Variants in SH2D4B observed in about 807,000 individuals in gnomAD.
The protein encoded by SH2D4B is SH2 domain-containing protein 4B.
A neutral mutation model predicts 61.5 loss-of-function variants in SH2D4B; 45 were observed. The ratio of observed to expected loss-of-function variants is 0.73; its 90% CI spans 0.58 to 0.94. The LOEUF is 0.94. Among genes scored for constraint, SH2D4B ranks in the 40% least tolerant of loss-of-function variants. SH2D4B has a pLI of 0.00. For missense variants in SH2D4B, 572 were observed against 574.2 expected, an observed-to-expected ratio of 1.00 and a Z score of 0.04; for synonymous variants, 224 against 220.4, an observed-to-expected ratio of 1.02 and a Z score of -0.14.
At position 80,644,196 on chromosome 10, in the gene SH2D4B, G is replaced by C; in HGVS notation, c.*111G>C. 1.2e-6 allele frequency: 1 copy of C among 813,644 alleles called. No homozygotes were observed. The highest frequency in any genetic ancestry group is 2.0e-6 in the Non-Finnish European group (1 of 498,618). 50.4% of individuals were successfully genotyped at this position (813,644 alleles called of 1,614,324 possible). A position where few individuals can be genotyped will look rare whatever the true frequency, so the allele number is the denominator to read the frequency against. On this transcript the variant is annotated 3_prime_UTR_variant, in exon 8 of 8. Transcript: ENST00000646907. ...CTGGAAGATCCACCACTATCCAAAG[G>C]AAAAAGTAGATTAATATGCCTCAAG...
chr10:80,599,473 T>A (rs572234561), intron 4 of SH2D4B, among the ~76,000 whole-genome samples: 1 of 152,294 alleles, frequency 6.6e-6, no homozygotes, highest in Non-Finnish European at 1.5e-5. Context: ...TCTCTCCTCT[T>A]GAATTAGCTC....
At chr10:80,558,672 A>G (rs1589334438) in intron 1 of SH2D4B, among the ~76,000 whole-genome samples, 1 of 152,102 alleles carries the variant, frequency 6.6e-6, no homozygotes, top group South Asian at 2.1e-4. Context: ...CTTGGTAGAG[A>G]CAGGGATTTG....
chr10:80,541,307 A>G (rs759835657), intron 1 of SH2D4B, among the ~76,000 whole-genome samples: 2 of 152,066 alleles, frequency 1.3e-5, no homozygotes, highest in Non-Finnish European at 1.5e-5. Flanking sequence ...GTTTTCTGTT[A>G]TCTTGTTGTT....
At chr10:80,613,746 G>A (rs916941519) in intron 6 of SH2D4B, among the ~76,000 whole-genome samples, 1 of 152,228 alleles carries the variant, frequency 6.6e-6, no homozygotes, top group Non-Finnish European at 1.5e-5. Context: ...CCAGCAGTGA[G>A]GGGCAGCTTT....
chr10:80,585,082 A>G (rs1474051342), intron 3 of SH2D4B, among the ~76,000 whole-genome samples: 1 of 152,212 alleles, frequency 6.6e-6, no homozygotes, highest in African/African-American at 2.4e-5. Flanking sequence ...ACTTTGATGT[A>G]AACAAAGGTA....
chr10:80,623,555 A>T (rs1161019318), intron 6 of SH2D4B, among the ~76,000 whole-genome samples: 1 of 152,126 alleles, frequency 6.6e-6, no homozygotes, highest in Admixed American at 6.6e-5. Context: ...ATATCTCATG[A>T]CCTAATTTGT....
At chr10:80,601,382 T>C (rs975300399) in intron 4 of SH2D4B, among the ~76,000 whole-genome samples, 1 of 152,226 alleles carries the variant, frequency 6.6e-6, no homozygotes, top group Non-Finnish European at 1.5e-5. Flanking sequence ...GCTAGAGATA[T>C]TTGTTGGTCT....
At chr10:80,620,796 C>T (rs977235315) in intron 6 of SH2D4B, among the ~76,000 whole-genome samples, 9 of 152,192 alleles carry the variant, frequency 5.9e-5, no homozygotes, top group African/African-American at 1.9e-4. Flanking sequence ...AAGCTCTCAG[C>T]ACAGTGGTTA....
intron 4 of SH2D4B, among the ~76,000 whole-genome samples, chr10:80,600,979 C>T (rs12359973): frequency 0.12 from 17,672 of 152,122 alleles, 1,207 homozygotes; most frequent in East Asian, 0.25. Flanking sequence ...CGTCACAATA[C>T]AAGGCTGGTA....
chr10:80,590,666 G>C (rs991828993), intron 4 of SH2D4B, among the ~76,000 whole-genome samples: 1 of 152,038 alleles, frequency 6.6e-6, no homozygotes, highest in African/African-American at 2.4e-5. Flanking sequence ...CAGCCTTCTG[G>C]TCCTCAGCAT....
intron 4 of SH2D4B, among the ~76,000 whole-genome samples, chr10:80,593,375 A>G (rs888522078): frequency 5.3e-5 from 8 of 152,218 alleles, no homozygotes; most frequent in African/African-American, 1.4e-4. Flanking sequence ...AATCTCTTTC[A>G]ATAATATTTT....
intron 1 of SH2D4B, among the ~76,000 whole-genome samples, chr10:80,547,742 G>GA (rs576047634): frequency 5.3e-5 from 8 of 152,162 alleles, no homozygotes; most frequent in Admixed American, 3.3e-4. Context: ...TATAAGGAGA[G>GA]AAAATGAGGT....
At chr10:80,586,499 T>C (rs1842250427) in intron 3 of SH2D4B, among the ~76,000 whole-genome samples, 2 of 152,286 alleles carry the variant, frequency 1.3e-5, no homozygotes, top group African/African-American at 4.8e-5. Flanking sequence ...ATCTAGCTAC[T>C]CTGGTGGGGG....
chr10:80,538,973 G>GT lies in SH2D4B; in HGVS notation c.184+458_184+459insT, dbSNP rs1841543554. Reference sequence around the variant, plus strand: ...GTTCTTGGCTAGGGCCCCTTCTGTGGACTGTGCCTCTCCCTCCAGATCCTC... The same window carrying GT: ...GTTCTTGGCTAGGGCCCCTTCTGTGGTACTGTGCCTCTCCCTCCAGATCCTC... On this transcript the variant is annotated intron_variant, in intron 1 of 7. Transcript: ENST00000646907. The surrounding 1 kb of genome is among the most constrained non-coding windows in gnomAD (Gnocchi z 4.8). Among the ~76,000 whole-genome samples, 2 of 152,250 alleles carry GT rather than the reference G, an allele frequency of 1.3e-5. No homozygotes were observed. Among genetic ancestry groups the GT allele is most frequent in the Non-Finnish European group, 2.9e-5 (2 of 68,048 alleles).
intron 1 of SH2D4B, among the ~76,000 whole-genome samples, chr10:80,543,179 C>G (rs1411109172): frequency 6.6e-6 from 1 of 152,190 alleles, no homozygotes; most frequent in African/African-American, 2.4e-5. Context: ...ACTTGAGGAG[C>G]CCTTCAGCCC....
intron 3 of SH2D4B, among the ~76,000 whole-genome samples, chr10:80,584,105 C>G (rs943555825): frequency 2.0e-5 from 3 of 152,208 alleles, no homozygotes; most frequent in African/African-American, 4.8e-5. Flanking sequence ...TTGGCAGTTA[C>G]ATGTAAATGT....
chr10:80,543,373 G>A (rs554082480), intron 1 of SH2D4B, among the ~76,000 whole-genome samples: 1 of 152,126 alleles, frequency 6.6e-6, no homozygotes, highest in African/African-American at 2.4e-5. Flanking sequence ...CCACCGGCCC[G>A]GGGCAGTGAG....
At chr10:80,556,533 T>A (rs1428855847) in intron 1 of SH2D4B, among the ~76,000 whole-genome samples, 1 of 152,200 alleles carries the variant, frequency 6.6e-6, no homozygotes, top group East Asian at 1.9e-4. Flanking sequence ...TTAACACTAT[T>A]GAGTTTTTCA....
chr10:80,611,999 G>A (rs1307339155), intron 6 of SH2D4B, among the ~76,000 whole-genome samples: 2 of 151,976 alleles, frequency 1.3e-5, no homozygotes, highest in Non-Finnish European at 2.9e-5. Flanking sequence ...TATGGAGGGT[G>A]GCCAAGTAAC....
Sources: gnomAD v4.1 joint callset for allele counts (sites outside exome capture counted in the v4.1 genomes callset) on GRCh38, gnomAD v4.1.1 for gene constraint, Gnocchi (gnomAD v3.1) non-coding constraint, MANE v1.5 for transcripts, NCBI Gene and HGNC (gene_info 2026-07-23, HGNC 2026-07-21) for gene names.